PCDHGB3: variants seen among roughly 807,000 people sequenced by gnomAD.
The protein encoded by PCDHGB3 is protocadherin gamma subfamily B, 3, also known as protocadherin gamma-B3.
Under a neutral mutation model 59.2 loss-of-function variants are expected in PCDHGB3, and 40 were observed. The observed-to-expected ratio is 0.68, with a 90% CI of 0.52 to 0.88. The LOEUF is 0.88. Among genes scored for constraint, PCDHGB3 ranks in the 40% least tolerant of loss-of-function variants. PCDHGB3 has a pLI of 0.00. For synonymous variants in PCDHGB3, 581 were observed against 503.6 expected, an observed-to-expected ratio of 1.15 and a Z score of -2.06; for missense variants, 1,309 against 1,187.9, an observed-to-expected ratio of 1.10 and a Z score of -1.50.
chr5:141,428,106 C>T, intron 1 of PCDHGB3: 1 of 1,608,152 alleles, frequency 6.2e-7, no homozygotes. Context: ...CCACGTGCTG[C>T]AGGCCATCGA....
intron 1 of PCDHGB3, chr5:141,413,382 CAT>C (rs752944261): frequency 2.5e-6 from 4 of 1,613,998 alleles, no homozygotes; most frequent in Non-Finnish European, 3.4e-6. Flanking sequence ...GCGGAGTCCG[CAT>C]AGTCTCCAGA....
At chr5:141,501,287 T>C (rs1025193070) in intron 2 of PCDHGB3, among the ~76,000 whole-genome samples, 1 of 96,980 alleles carries the variant, frequency 1.0e-5, no homozygotes, top group African/African-American at 4.2e-5. Context: ...GGATATTCCC[T>C]TATACACACA....
At chr5:141,399,663 G>T (rs766997364) in intron 1 of PCDHGB3, 4 of 1,613,506 alleles carry the variant, frequency 2.5e-6, no homozygotes, top group Admixed American at 3.3e-5. Context: ...TGGTGTTCGC[G>T]CAGCGCGCCT....
rs755169934 is a variant in PCDHGB3 at position 141,384,350 on chromosome 5, A to T, written c.2415+11541A>T. On this transcript the variant is annotated intron_variant, in intron 1 of 3. Coordinates refer to ENST00000576222, the MANE Select transcript of PCDHGB3 (RefSeq NM_018924.5). Reference sequence around the variant, plus strand: ...GCACAGGACCACGACAGTGAGGATAATGCCCAGATCACTTATTCCTTGGCC... The same window carrying T: ...GCACAGGACCACGACAGTGAGGATATTGCCCAGATCACTTATTCCTTGGCC... The T allele has an allele frequency of 1.9e-6, 3 of 1,613,690 alleles. No homozygotes were observed. In the African/African-American group the frequency reaches 4.0e-5, roughly 22 times the overall value.
chr5:141,389,229 G>A, intron 1 of PCDHGB3: 1 of 1,614,048 alleles, frequency 6.2e-7, no homozygotes, highest in South Asian at 1.1e-5. Context: ...CAACGCTCCG[G>A]TTTTCTCACA....
Position 141,491,793 on chromosome 5 carries a change from C to A in PCDHGB3, c.2416-3014C>A. 6.6e-7 allele frequency: 1 copy of A among 1,511,410 alleles called. No homozygotes were observed. The highest frequency in any genetic ancestry group is 1.3e-5 in the South Asian group (1 of 77,572). The allele number at this position is 1,511,410 out of a possible 1,614,324, so 93.6% of individuals were successfully genotyped here. On this transcript the variant is annotated intron_variant, in intron 1 of 3. Coordinates refer to ENST00000576222, the MANE Select transcript of PCDHGB3 (RefSeq NM_018924.5). This position sits in a 1 kb window ranked among gnomAD's most constrained non-coding sequence, Gnocchi z 6.9. ...AGGGATTGAACTTGCATCCACTCCT[C>A]TCCGGCCGGCTTGGTCGCTGGCTGC...
Position 141,372,106 on chromosome 5 carries a change from G to T in PCDHGB3, c.1712G>T (p.Gly571Val). ...LVLYPALGPE[G>V]SALFDMVPRS... ...CTGTACCCAGCTCTGGGGCCCGAAG[G>T]CTCTGCGCTCTTCGATATGGTGCCG... The change falls in exon 1 of 4, where the codon GGC (glycine) becomes GTC (valine). Residue 571 changes from glycine to valine, a missense_variant. Physicochemically the swap from Gly to Val is moderately radical, Grantham distance 109 (BLOSUM62 -3). Coordinates refer to ENST00000576222, the MANE Select transcript of PCDHGB3 (RefSeq NM_018924.5). 6.2e-7 allele frequency: 1 copy of T among 1,613,828 alleles called. No individual in the cohort carries two copies. The highest frequency in any genetic ancestry group is 8.5e-7 in the Non-Finnish European group (1 of 1,179,952).
intron 1 of PCDHGB3, chr5:141,412,017 A>C (rs914087284): frequency 1.4e-5 from 2 of 146,532 alleles, no homozygotes; most frequent in African/African-American, 5.3e-5. Context: ...ACTTCTGAAC[A>C]TCCTGTTCTC....
chr5:141,427,832 T>C, intron 1 of PCDHGB3: 1 of 1,540,264 alleles, frequency 6.5e-7, no homozygotes, highest in Non-Finnish European at 8.9e-7. Flanking sequence ...TCGCGCAGCG[T>C]GCCTTCGACC....
chr5:141,384,060 A>T (rs1453253478), intron 1 of PCDHGB3: 1 of 1,609,266 alleles, frequency 6.2e-7, no homozygotes, highest in South Asian at 1.1e-5. Context: ...GCACCATTCC[A>T]GAAAACCTAC....
intron 1 of PCDHGB3, chr5:141,421,734 G>T: frequency 6.2e-7 from 1 of 1,613,948 alleles, no homozygotes; most frequent in Non-Finnish European, 8.5e-7. Flanking sequence ...ACTCCCTCCA[G>T]AGCTACCAGC....
At chr5:141,384,531 C>T (rs762355289) in intron 1 of PCDHGB3, 11 of 1,614,116 alleles carry the variant, frequency 6.8e-6, no homozygotes, top group African/African-American at 2.7e-5. Context: ...CTCTCAGCAG[C>T]AACATGTCAC....
At chr5:141,400,079 C>A in intron 1 of PCDHGB3, 1 of 1,614,042 alleles carries the variant, frequency 6.2e-7, no homozygotes, top group East Asian at 2.2e-5. Flanking sequence ...CCGCCACTCT[C>A]CGCCACCGCC....
At chr5:141,404,530 A>C in intron 1 of PCDHGB3, 1 of 1,614,008 alleles carries the variant, frequency 6.2e-7, no homozygotes, top group Non-Finnish European at 8.5e-7. Flanking sequence ...AGCAGTTTAG[A>C]GATTTGCAAA....
rs570982273 is a variant in PCDHGB3, at chr5:141,476,764, G to T, written c.2416-18043G>T. On this transcript the variant is annotated intron_variant, in intron 1 of 3. Coordinates refer to ENST00000576222, the MANE Select transcript of PCDHGB3 (RefSeq NM_018924.5). This position sits in a 1 kb window ranked among gnomAD's most constrained non-coding sequence, Gnocchi z 7.6. ...CTAGTCTCCAGTTAGTGCTGACGGC[G>T]TTGGACGGAGGGACCCCAGCTCTCT... 1.2e-5 allele frequency: 19 copies of T among 1,613,794 alleles called. No individual in the cohort carries two copies. In the East Asian group the frequency reaches 3.8e-4, roughly 32 times the overall value.
intron 1 of PCDHGB3, among the ~76,000 whole-genome samples, chr5:141,434,579 A>T (rs931282309): frequency 6.6e-6 from 1 of 152,232 alleles, no homozygotes; most frequent in African/African-American, 2.4e-5. Context: ...CCTGCTGCAG[A>T]TAACTACCTC....
At chr5:141,394,884 C>T (rs2093119839) in intron 1 of PCDHGB3, 2 of 1,613,902 alleles carry the variant, frequency 1.2e-6, no homozygotes, top group Non-Finnish European at 1.7e-6. Flanking sequence ...GAGCCTTACA[C>T]TCTATCTCGT....
At chr5:141,418,769 C>A (rs1488222030) in intron 1 of PCDHGB3, 2 of 1,613,828 alleles carry the variant, frequency 1.2e-6, no homozygotes, top group East Asian at 4.5e-5. Flanking sequence ...CATTCTAACT[C>A]AGCAGCCTTT....
At position 141,432,908 on chromosome 5, in the gene PCDHGB3, C is replaced by A. The variant is rs757934634; in HGVS notation, c.2415+60099C>A. On this transcript the variant is annotated intron_variant, in intron 1 of 3. Coordinates refer to ENST00000576222, the MANE Select transcript of PCDHGB3 (RefSeq NM_018924.5). This position sits in a 1 kb window ranked among gnomAD's most constrained non-coding sequence, Gnocchi z 6.0. ...CATCTTGCTGCTGGCGCTCAGGCTGCGGCGCTGGCACAAGTCACGCCTGCT... is the reference window on the plus strand; with the variant it reads ...CATCTTGCTGCTGGCGCTCAGGCTGAGGCGCTGGCACAAGTCACGCCTGCT... The A allele has an allele frequency of 1.6e-5, 26 of 1,614,168 alleles. No individual in the cohort carries two copies. Among genetic ancestry groups the A allele is most frequent in the Middle Eastern group, 1.7e-4 (1 of 6,060 alleles).
Sources: gnomAD v4.1 joint callset for allele counts (sites outside exome capture counted in the v4.1 genomes callset) on GRCh38, gnomAD v4.1.1 for gene constraint, Gnocchi (gnomAD v3.1) non-coding constraint, MANE v1.5 for transcripts, NCBI Gene and HGNC (gene_info 2026-07-23, HGNC 2026-07-21) for gene names.